EYA4: variants seen among roughly 807,000 people sequenced by gnomAD.
EYA4 encodes the protein protein phosphatase EYA4.
A neutral mutation model predicts 87.9 loss-of-function variants in EYA4; 31 were observed. The ratio of observed to expected loss-of-function variants is 0.35; its 90% CI spans 0.27 to 0.48. EYA4 has a LOEUF of 0.48. EYA4 is among the 20% of genes least tolerant of loss of function. The pLI is 0.99. For synonymous variants in EYA4, 263 were observed against 270.6 expected (o/e 0.97, Z 0.28); for missense variants, 678 against 761.4 (o/e 0.89, Z 1.29).
At chr6:133,282,890 A>G (rs1006337193) in intron 2 of EYA4, among the ~76,000 whole-genome samples, 1 of 152,328 alleles carries the variant, frequency 6.6e-6, no homozygotes, top group South Asian at 2.1e-4. Flanking sequence ...GTTGGTTTGG[A>G]TAGTATAGAT....
intron 2 of EYA4, among the ~76,000 whole-genome samples, chr6:133,374,215 C>T (rs192458346): frequency 3.5e-4 from 53 of 152,124 alleles, no homozygotes; most frequent in Non-Finnish European, 7.1e-4. Flanking sequence ...TATATTCAAC[C>T]TTGCTATGAA....
chr6:133,258,647 C>CT (rs1048494059), intron 1 of EYA4, among the ~76,000 whole-genome samples: 3 of 152,052 alleles, frequency 2.0e-5, no homozygotes, highest in African/African-American at 7.2e-5. Flanking sequence ...TTGTTCTTTT[C>CT]TTGCAGCCCC....
intron 13 of EYA4, among the ~76,000 whole-genome samples, chr6:133,491,951 C>CA (rs34316449): frequency 0.023 from 1,900 of 83,632 alleles, 54 homozygotes; most frequent in African/African-American, 0.045. Flanking sequence ...AACTCCGTCT[C>CA]AAAAAAAAAA....
chr6:133,454,262 T>C (rs1357304721), intron 5 of EYA4, among the ~76,000 whole-genome samples: 1 of 152,222 alleles, frequency 6.6e-6, no homozygotes, highest in Non-Finnish European at 1.5e-5. Context: ...GAAGCTCTGA[T>C]AAACTGTTTC....
At chr6:133,313,563 A>G (rs1485448364) in intron 2 of EYA4, among the ~76,000 whole-genome samples, 1 of 152,230 alleles carries the variant, frequency 6.6e-6, no homozygotes, top group African/African-American at 2.4e-5. Flanking sequence ...AATGAAATAT[A>G]AAATCTGTGC....
chr6:133,461,607 A>T (rs1794390250), intron 7 of EYA4, among the ~76,000 whole-genome samples: 2 of 152,064 alleles, frequency 1.3e-5, no homozygotes, highest in Admixed American at 1.3e-4. Context: ...CTTAAGTTTA[A>T]CTATATTGGG....
chr6:133,428,850 A>G (rs1203289932), intron 3 of EYA4, among the ~76,000 whole-genome samples: 2 of 147,902 alleles, frequency 1.4e-5, no homozygotes, highest in African/African-American at 4.9e-5. Context: ...TCCCAAAACA[A>G]TTATTAATTT....
chr6:133,383,326 C>A lies in EYA4; in HGVS notation c.83+885C>A, dbSNP rs150531. On this transcript the variant is annotated intron_variant, in intron 3 of 19. Transcript: ENST00000355286. Reference sequence around the variant, plus strand: ...GGTCAGGAGTTCAAGACCAGCCTGGCCAATATGGTGAAACCCCATCTCTAC... The same window carrying A: ...GGTCAGGAGTTCAAGACCAGCCTGGACAATATGGTGAAACCCCATCTCTAC... Among the ~76,000 whole-genome samples, 334 of 151,900 alleles carry A rather than the reference C, an allele frequency of 2.2e-3. 1 individual carries two copies. Among genetic ancestry groups the A allele is most frequent in the Non-Finnish European group, 3.5e-3 (235 of 67,946 alleles).
chr6:133,502,501 G>T (rs997098342), intron 13 of EYA4: 1 of 152,114 alleles, frequency 6.6e-6, no homozygotes, highest in Non-Finnish European at 1.5e-5. Context: ...GGAATTGCAG[G>T]TGCTGGCAGC....
Position 133,531,149 on chromosome 6 carries a change from C to G in EYA4, c.*2344C>G. On this transcript the variant is annotated 3_prime_UTR_variant, in exon 20 of 20. Transcript: ENST00000355286. The stretch of plus-strand genomic sequence containing the variant: ...CCTTGGAAGGGCAAAGAGAAGCCGG[C>G]TGGTTGCATCACCCCGTGCAGTTTC... 1.3e-6 allele frequency: 2 copies of G among 1,531,356 alleles called. No individual in the cohort carries two copies. The highest frequency in any genetic ancestry group is 1.7e-6 in the Non-Finnish European group (2 of 1,144,520). The allele number at this position is 1,531,356 out of a possible 1,614,324, so 94.9% of individuals were successfully genotyped here. A position where few individuals can be genotyped will look rare whatever the true frequency, so the allele number is the denominator to read the frequency against.
intron 2 of EYA4, among the ~76,000 whole-genome samples, chr6:133,366,101 A>G (rs953808257): frequency 6.6e-6 from 1 of 152,200 alleles, no homozygotes; most frequent in African/African-American, 2.4e-5. Flanking sequence ...TTTTAACTAG[A>G]GAAGTGGCTG....
intron 1 of EYA4, among the ~76,000 whole-genome samples, chr6:133,273,033 T>C (rs1339091813): frequency 6.6e-6 from 1 of 150,512 alleles, no homozygotes; most frequent in Non-Finnish European, 1.5e-5. Context: ...GACACCCCAC[T>C]CTTGTTACCA....
intron 14 of EYA4, among the ~76,000 whole-genome samples, chr6:133,508,034 AATCCAGTTTGAG>A (rs1798805092): frequency 6.6e-6 from 1 of 152,140 alleles, no homozygotes; most frequent in Non-Finnish European, 1.5e-5. Context: ...CAAGGTCTTA[AATCCAGTTTGAG>A]TTATATTTGA....
chr6:133,423,791 A>G lies in EYA4; in HGVS notation c.84-22839A>G, dbSNP rs570871153. Among the ~76,000 whole-genome samples the G allele has an allele frequency of 4.6e-5, 7 of 152,198 alleles. No individual in the cohort carries two copies. The South Asian group carries it at 1.5e-3, about 32-fold the overall frequency. ...CAAAAGTTTGCTCCTGCCCCTTAAT[A>G]ATTTATTCCTCTCTACTTATTGTTA... On this transcript the variant is annotated intron_variant, in intron 3 of 19. Transcript: ENST00000355286.
intron 13 of EYA4, among the ~76,000 whole-genome samples, chr6:133,496,470 G>A (rs1179583970): frequency 6.6e-6 from 1 of 152,160 alleles, no homozygotes; most frequent in East Asian, 1.9e-4. Flanking sequence ...GGGGACTGGA[G>A]AGATCCCATT....
At chr6:133,441,537 A>G (rs1029660595) in intron 3 of EYA4, among the ~76,000 whole-genome samples, 5 of 152,130 alleles carry the variant, frequency 3.3e-5, no homozygotes, top group Non-Finnish European at 7.4e-5. Context: ...AGGGGTTCTT[A>G]CCCCTGAGGC....
intron 13 of EYA4, among the ~76,000 whole-genome samples, chr6:133,491,534 T>G (rs1464428308): frequency 6.6e-6 from 1 of 152,018 alleles, no homozygotes; most frequent in African/African-American, 2.4e-5. Flanking sequence ...TACATGCCAA[T>G]AAACTGGAAA....
In EYA4 at chr6:133,246,610, G is replaced by A. The variant is rs554433935; in HGVS notation, c.-66+4861G>A. Among the ~76,000 whole-genome samples the A allele has an allele frequency of 2.8e-4, 42 of 152,046 alleles. 1 individual carries two copies. In the South Asian group the frequency reaches 6.6e-3, roughly 24 times the overall value. ...ATTAATGTAGATGTCAAATATGAGA[G>A]CATATTTTCTTGAGTATATTTATAT... On this transcript the variant is annotated intron_variant, in intron 1 of 19. Coordinates refer to ENST00000355286, the MANE Select transcript of EYA4 (RefSeq NM_004100.5).
At chr6:133,256,079 T>C (rs903450105) in intron 1 of EYA4, among the ~76,000 whole-genome samples, 5 of 151,888 alleles carry the variant, frequency 3.3e-5, no homozygotes, top group African/African-American at 1.2e-4. Context: ...TTGAACCTTG[T>C]AATTATTTGT....
Sources: allele counts gnomAD v4.1 joint callset (sites outside exome capture counted in the v4.1 genomes callset), GRCh38; gene constraint gnomAD v4.1.1; transcripts MANE v1.5; gene names NCBI Gene and HGNC (gene_info 2026-07-23, HGNC 2026-07-21).